LRRTM3: variants seen among roughly 807,000 people sequenced by gnomAD.
LRRTM3 encodes the protein leucine rich repeat transmembrane neuronal 3, also known as leucine-rich repeat transmembrane neuronal protein 3.
LRRTM3 carries 24 observed loss-of-function variants against 44.7 expected under a neutral mutation model. The ratio of observed to expected loss-of-function variants is 0.54; its 90% CI spans 0.39 to 0.76. The LOEUF is 0.76. Among genes scored for constraint, LRRTM3 ranks in the 30% least tolerant of loss-of-function variants. The probability of loss-of-function intolerance (pLI) is 0.00; values close to 1 mark genes in which losing one functional copy is unlikely to be tolerated. For missense variants in LRRTM3, 587 were observed against 702.2 expected, an observed-to-expected ratio of 0.84 and a Z score of 1.85; for synonymous variants, 277 against 278.7, an observed-to-expected ratio of 0.99 and a Z score of 0.06.
intron 2 of LRRTM3, among the ~76,000 whole-genome samples, chr10:67,025,433 T>A (rs1853313005): frequency 6.6e-6 from 1 of 152,076 alleles, no homozygotes. Context: ...ACTTGTTCTC[T>A]CCTAAGTACA....
At chr10:67,094,192 C>G (rs1374881317) in intron 2 of LRRTM3, among the ~76,000 whole-genome samples, 1 of 151,776 alleles carries the variant, frequency 6.6e-6, no homozygotes, top group Non-Finnish European at 1.5e-5. Context: ...TAATTAGAAG[C>G]AAAAATATCC....
At chr10:66,937,294 T>C (rs1218574444) in intron 2 of LRRTM3, among the ~76,000 whole-genome samples, 1 of 152,164 alleles carries the variant, frequency 6.6e-6, no homozygotes, top group African/African-American at 2.4e-5. Flanking sequence ...CATGGGATTG[T>C]TGCAAGAAGG....
intron 2 of LRRTM3, among the ~76,000 whole-genome samples, chr10:66,946,490 C>T (rs779459656): frequency 2.0e-5 from 3 of 152,072 alleles, no homozygotes; most frequent in East Asian, 1.9e-4. Context: ...GCACACAGAT[C>T]AAGAAACAGA....
At chr10:66,977,006 A>C (rs2132855623) in intron 2 of LRRTM3, among the ~76,000 whole-genome samples, 1 of 152,286 alleles carries the variant, frequency 6.6e-6, no homozygotes, top group African/African-American at 2.4e-5. Flanking sequence ...GTAATTTTAT[A>C]TCTACAAATG....
intron 2 of LRRTM3, among the ~76,000 whole-genome samples, chr10:67,045,705 C>T (rs1854696087): frequency 6.6e-6 from 1 of 152,076 alleles, no homozygotes; most frequent in Non-Finnish European, 1.5e-5. Flanking sequence ...GCGGGGATAG[C>T]GGGGGACCGA....
intron 2 of LRRTM3, among the ~76,000 whole-genome samples, chr10:66,950,989 G>C (rs778247046): frequency 2.6e-5 from 4 of 152,040 alleles, no homozygotes; most frequent in African/African-American, 7.2e-5. Context: ...GATTTCCTCT[G>C]AATAGATGGT....
chr10:66,934,215 C>T (rs2132652941), intron 2 of LRRTM3, among the ~76,000 whole-genome samples: 1 of 152,200 alleles, frequency 6.6e-6, no homozygotes, highest in Non-Finnish European at 1.5e-5. Flanking sequence ...CTTATCCTTT[C>T]CAGCAAATGT....
At chr10:67,012,818 C>T (rs1256271756) in intron 2 of LRRTM3, among the ~76,000 whole-genome samples, 1 of 151,946 alleles carries the variant, frequency 6.6e-6, no homozygotes, top group Non-Finnish European at 1.5e-5. Flanking sequence ...AAAAGCGATC[C>T]TAGAAAATAT....
At chr10:66,966,275 A>G (rs1849405493) in intron 2 of LRRTM3, among the ~76,000 whole-genome samples, 1 of 152,114 alleles carries the variant, frequency 6.6e-6, no homozygotes, top group Non-Finnish European at 1.5e-5. Flanking sequence ...TTATGTGTAG[A>G]CAATTAAATT....
intron 2 of LRRTM3, among the ~76,000 whole-genome samples, chr10:67,016,733 G>A (rs1589607985): frequency 6.6e-6 from 1 of 152,066 alleles, no homozygotes; most frequent in Non-Finnish European, 1.5e-5. Context: ...TTTAATATAT[G>A]GACTTCGTAA....
intron 2 of LRRTM3, among the ~76,000 whole-genome samples, chr10:66,998,801 G>A (rs1026792201): frequency 6.6e-6 from 1 of 152,114 alleles, no homozygotes; most frequent in Non-Finnish European, 1.5e-5. Flanking sequence ...ACATCAGGCA[G>A]CAGAAGGCAT....
At chr10:67,024,632 G>A (rs759770380) in intron 2 of LRRTM3, among the ~76,000 whole-genome samples, 1 of 152,090 alleles carries the variant, frequency 6.6e-6, no homozygotes, top group Non-Finnish European at 1.5e-5. Context: ...AGCCATATAT[G>A]CAAATGGGTG....
chr10:67,005,682 C>CTTGTTTTTTTTTTT (rs1851927171), intron 2 of LRRTM3, among the ~76,000 whole-genome samples: 1 of 61,976 alleles, frequency 1.6e-5, no homozygotes, highest in Non-Finnish European at 2.9e-5. Context: ...TTTACTCCAT[C>CTTGTTTTTTTTTTT]TTTTTTTTTT....
In LRRTM3 at chr10:66,937,015, T is replaced by C. The variant is rs80191871; in HGVS notation, c.1536+8563T>C. On this transcript the variant is annotated intron_variant, in intron 2 of 2. Coordinates refer to ENST00000361320, the MANE Select transcript of LRRTM3 (RefSeq NM_178011.5). ...GATTCCTCAGTATTTTTCTCAAACA[T>C]GAGTTTGGGCCTTTCCAAAGGAGCC... Among the ~76,000 whole-genome samples, 3,210 of 152,250 alleles carry C rather than the reference T, an allele frequency of 0.021. 225 individuals carry two copies. In the East Asian group the frequency reaches 0.26, roughly 12 times the overall value.
At chr10:66,980,067 G>A (rs1380337406) in intron 2 of LRRTM3, among the ~76,000 whole-genome samples, 1 of 152,132 alleles carries the variant, frequency 6.6e-6, no homozygotes, top group East Asian at 1.9e-4. Flanking sequence ...GGCCTAGAAT[G>A]TACCTAATAA....
rs1858255690 is a variant in LRRTM3 at position 67,100,120 on chromosome 10, T to A, written c.*2324T>A. On this transcript the variant is annotated 3_prime_UTR_variant, in exon 3 of 3. Transcript: ENST00000361320. ...AACCTATTTCTAGACACATTCAAAT[T>A]GATAATGATTTTTAGAAATGTTAAG... Among the ~76,000 whole-genome samples, 3 of 151,740 alleles carry A rather than the reference T, an allele frequency of 2.0e-5. No homozygotes were observed. The highest frequency in any genetic ancestry group is 3.0e-5 in the Non-Finnish European group (2 of 67,780).
intron 2 of LRRTM3, among the ~76,000 whole-genome samples, chr10:67,018,948 T>A (rs1422155381): frequency 6.6e-6 from 1 of 152,240 alleles, no homozygotes; most frequent in Non-Finnish European, 1.5e-5. Flanking sequence ...AGACAAACTC[T>A]GATTTTCAGT....
intron 2 of LRRTM3, among the ~76,000 whole-genome samples, chr10:66,989,815 C>T (rs1850940715): frequency 6.6e-6 from 1 of 152,068 alleles, no homozygotes; most frequent in African/African-American, 2.4e-5. Context: ...AGGAAACAGA[C>T]TTGAGTGCTT....
At chr10:67,011,387 A>G (rs770113174) in intron 2 of LRRTM3, among the ~76,000 whole-genome samples, 3 of 151,178 alleles carry the variant, frequency 2.0e-5, no homozygotes, top group Non-Finnish European at 2.9e-5. Context: ...ATAATAAACT[A>G]TTCAGAAGGT....
Sources: gnomAD v4.1 joint callset for allele counts (sites outside exome capture counted in the v4.1 genomes callset) on GRCh38, gnomAD v4.1.1 for gene constraint, MANE v1.5 for transcripts, NCBI Gene and HGNC (gene_info 2026-07-23, HGNC 2026-07-21) for gene names.